Variants in TPRG1 observed in about 807,000 individuals in gnomAD.
TPRG1 encodes the protein tumor protein p63 regulated 1.
A neutral mutation model predicts 29.3 loss-of-function variants in TPRG1; 29 were observed. The ratio of observed to expected loss-of-function variants is 0.99; its 90% confidence interval spans 0.74 to 1.35. The LOEUF (loss-of-function observed/expected upper bound fraction) is 1.35, where lower values mean the gene tolerates loss of function less well. Ranked by LOEUF, TPRG1 falls within the 40% of genes most tolerant of loss-of-function variation. TPRG1 has a pLI of 0.00. For synonymous variants in TPRG1, 130 were observed against 116.8 expected (o/e 1.11, Z -0.73); for missense variants, 327 against 335.0 (o/e 0.98, Z 0.19).
At position 189,109,426 on chromosome 3, in the gene TPRG1, T is replaced by G. The variant is rs188512663; in HGVS notation, c.-744+9222T>G. On this transcript the variant is annotated intron_variant, in intron 1 of 6. Coordinates refer to the TPRG1 transcript ENST00000412373. ...GGGACAAGGGATGCAGCAACGTGTGTGAACCTGAGTACTGATCCCTGGCAA... is the reference window on the plus strand; with the variant it reads ...GGGACAAGGGATGCAGCAACGTGTGGGAACCTGAGTACTGATCCCTGGCAA... 3.3e-5 allele frequency among the ~76,000 whole-genome samples: 5 copies of G among 152,296 alleles called. No individual in the cohort carries two copies. In the East Asian group the frequency reaches 9.7e-4, roughly 29 times the overall value.
intron 4 of TPRG1, among the ~76,000 whole-genome samples, chr3:189,295,042 A>G (rs1358131459): frequency 3.3e-5 from 5 of 152,222 alleles, no homozygotes; most frequent in East Asian, 1.9e-4. Flanking sequence ...ACTTTCCCAC[A>G]TTCACGCCTT....
chr3:189,096,837 G>A (rs556084141), upstream of TPRG1, among the ~76,000 whole-genome samples: 11 of 152,240 alleles, frequency 7.2e-5, no homozygotes, highest in Non-Finnish European at 1.0e-4. Context: ...TTATACAGAC[G>A]TATAATGGAA....
At chr3:189,306,906 G>A (rs1721720310) in intron 4 of TPRG1, among the ~76,000 whole-genome samples, 2 of 152,170 alleles carry the variant, frequency 1.3e-5, no homozygotes, top group African/African-American at 4.8e-5. Flanking sequence ...TTTATACCGA[G>A]TATAATTTCA....
intron 3 of TPRG1, among the ~76,000 whole-genome samples, chr3:189,022,614 G>A (rs972750461): frequency 5.5e-4 from 83 of 152,216 alleles, no homozygotes; most frequent in Non-Finnish European, 9.9e-4. Flanking sequence ...TGCGTGCTGG[G>A]AGAACTACTG....
At chr3:189,314,830 A>G (rs1723228479) in intron 5 of TPRG1, among the ~76,000 whole-genome samples, 2 of 152,202 alleles carry the variant, frequency 1.3e-5, no homozygotes, top group Admixed American at 6.5e-5. Flanking sequence ...AAATGAGAAC[A>G]CTTGAGCCAT....
intron 5 of TPRG1, among the ~76,000 whole-genome samples, chr3:189,312,155 T>C (rs185906013): frequency 0.1 from 5,955 of 59,590 alleles, 423 homozygotes; most frequent in Middle Eastern, 0.17. Flanking sequence ...CTTTCTTTCT[T>C]TCTTTCTTTC....
At chr3:189,221,820 T>C (rs553926077) in intron 3 of TPRG1, among the ~76,000 whole-genome samples, 2 of 152,294 alleles carry the variant, frequency 1.3e-5, no homozygotes, top group East Asian at 1.9e-4. Context: ...GGAGGGACTA[T>C]TGGCTTTATT....
intron 5 of TPRG1, among the ~76,000 whole-genome samples, chr3:189,165,993 G>A (rs974680681): frequency 3.3e-5 from 5 of 152,164 alleles, no homozygotes; most frequent in Admixed American, 2.0e-4. Flanking sequence ...GAGAGCAGTC[G>A]CAGTTCAAAA....
intron 4 of TPRG1, among the ~76,000 whole-genome samples, chr3:189,296,681 G>C (rs1037339518): frequency 1.3e-5 from 2 of 152,164 alleles, no homozygotes; most frequent in African/African-American, 4.8e-5. Context: ...GCAATTGGCT[G>C]GTGAAGCAAC....
rs139767079 is a variant in TPRG1 at position 189,205,431 on chromosome 3, C to A, written c.-9-1945C>A. Reference sequence around the variant, plus strand: ...CATCCTGACATAATTGTCAATAGCACCCTTTTCATGCCAAAATATCCCAAA... The same window carrying A: ...CATCCTGACATAATTGTCAATAGCAACCTTTTCATGCCAAAATATCCCAAA... On this transcript the variant is annotated intron_variant, in intron 1 of 5. Transcript: ENST00000345063. 5.9e-5 allele frequency among the ~76,000 whole-genome samples: 9 copies of A among 152,328 alleles called. No homozygotes were observed. The South Asian group carries it at 1.2e-3, about 21-fold the overall frequency.
intron 4 of TPRG1, among the ~76,000 whole-genome samples, chr3:189,292,871 A>G (rs1419527057): frequency 1.3e-5 from 2 of 152,132 alleles, no homozygotes; most frequent in African/African-American, 4.8e-5. Context: ...GCTAGGAAGC[A>G]TTGTTTAGAA....
chr3:189,193,347 T>C (rs59294524), intron 1 of TPRG1, among the ~76,000 whole-genome samples: 17,817 of 152,016 alleles, frequency 0.12, 1,288 homozygotes, highest in African/African-American at 0.19. Context: ...GTTGCCCAGA[T>C]TCTCTTTGAC....
intron 4 of TPRG1, among the ~76,000 whole-genome samples, chr3:189,149,159 C>T (rs750330469): frequency 1.5e-4 from 23 of 152,154 alleles, no homozygotes; most frequent in Non-Finnish European, 2.2e-4. Flanking sequence ...CCCAAACAAT[C>T]TATATGACCT....
intron 5 of TPRG1, among the ~76,000 whole-genome samples, chr3:189,318,483 G>C (rs1446978214): frequency 1.3e-5 from 2 of 152,078 alleles, no homozygotes; most frequent in Non-Finnish European, 2.9e-5. Context: ...AGATCTTTTT[G>C]GATTAAATCA....
chr3:189,095,914 G>A (rs577203148), upstream of TPRG1, among the ~76,000 whole-genome samples: 6 of 152,262 alleles, frequency 3.9e-5, no homozygotes, highest in South Asian at 1.2e-3. Flanking sequence ...AGAGGAGAGG[G>A]GAGTTTGGTC....
intron 4 of TPRG1, among the ~76,000 whole-genome samples, chr3:189,285,143 C>T (rs1008160091): frequency 2.0e-5 from 3 of 152,312 alleles, no homozygotes; most frequent in Admixed American, 2.0e-4. Context: ...TATGAACAGC[C>T]ACTTCTCAAA....
intron 3 of TPRG1, among the ~76,000 whole-genome samples, chr3:189,133,209 G>A (rs1723302624): frequency 6.6e-6 from 1 of 152,130 alleles, no homozygotes; most frequent in Non-Finnish European, 1.5e-5. Context: ...GATCAGATCT[G>A]GAAAGAGTTT....
In TPRG1 at chr3:189,089,044, C is replaced by A. The variant is rs1247920986; in HGVS notation, c.-462-38013C>A. ...TCATCTGTCTATTAATACCTTTTTA[C>A]AAAAGGCACAACTAAGGCATTTGTT... On this transcript the variant is annotated intron_variant, in intron 4 of 10. Transcript: ENST00000433971. Among the ~76,000 whole-genome samples the A allele has an allele frequency of 2.0e-5, 3 of 151,844 alleles. No homozygotes were observed. The East Asian group carries it at 5.8e-4, about 29-fold the overall frequency.
chr3:189,239,286 AAC>A (rs1740112207), intron 4 of TPRG1, among the ~76,000 whole-genome samples: 1 of 152,108 alleles, frequency 6.6e-6, no homozygotes, highest in Non-Finnish European at 1.5e-5. Context: ...ACCCCTGTTA[AAC>A]TCATCAAGTC....
Sources: allele counts gnomAD v4.1 joint callset (sites outside exome capture counted in the v4.1 genomes callset), GRCh38; gene constraint gnomAD v4.1.1; transcripts MANE v1.5; gene names NCBI Gene and HGNC (gene_info 2026-07-23, HGNC 2026-07-21).